Variants in BCR observed in about 807,000 individuals in gnomAD.
BCR encodes the protein BCR activator of RhoGEF and GTPase.
In BCR, 58 loss-of-function variants were observed where a neutral mutation model predicts 138.6. That is an observed-to-expected ratio of 0.42 (90% CI 0.34 to 0.52). The LOEUF (loss-of-function observed/expected upper bound fraction) is 0.52, where lower values mean the gene tolerates loss of function less well. Ranked by LOEUF, BCR falls within the 20% of genes least tolerant of loss-of-function variation. The pLI, the probability that BCR is intolerant of heterozygous loss-of-function variation, is 0.06. For missense variants in BCR, 1,599 were observed against 1,727.2 expected, an observed-to-expected ratio of 0.93 and a Z score of 1.32; for synonymous variants, 786 against 730.1, an observed-to-expected ratio of 1.08 and a Z score of -1.23.
chr22:23,313,721 G>A (rs1236154064), intron 20 of BCR, among the ~76,000 whole-genome samples: 1 of 152,180 alleles, frequency 6.6e-6, no homozygotes, highest in Non-Finnish European at 1.5e-5. Flanking sequence ...CTGCTCTAGC[G>A]GCTCCTCCTG....
chr22:23,199,387 G>A (rs372666758), intron 1 of BCR: 2 of 500,832 alleles, frequency 4.0e-6, no homozygotes, highest in Non-Finnish European at 8.0e-6. Context: ...TCCTGCTAAG[G>A]CCACAGTCTC....
Position 23,219,314 on chromosome 22 carries a change from C to T in BCR, c.1280-34485C>T, listed in dbSNP as rs545873065. On this transcript the variant is annotated intron_variant, in intron 1 of 22. Coordinates refer to ENST00000305877, the MANE Select transcript of BCR (RefSeq NM_004327.4). ...TGAATGGGCGGCTGGCATTTTCAAG[C>T]TCTGTTCCTTATGTTAGACGATGTT... Among the ~76,000 whole-genome samples the T allele has an allele frequency of 5.3e-5, 8 of 152,322 alleles. No homozygotes were observed. The South Asian group carries it at 1.7e-3, about 32-fold the overall frequency.
Position 23,249,245 on chromosome 22 carries a change from T to C in BCR, c.1280-4554T>C, listed in dbSNP as rs570766988. Among the ~76,000 whole-genome samples, 118 of 151,914 alleles carry C rather than the reference T, an allele frequency of 7.8e-4. 1 individual carries two copies. The highest frequency in any genetic ancestry group is 2.8e-3 in the African/African-American group (115 of 41,422). ...GAGATGGAGACCATCCTGGCTAACATGGTGAAACTCCGTCTCTACTAAAAA... is the reference window on the plus strand; with the variant it reads ...GAGATGGAGACCATCCTGGCTAACACGGTGAAACTCCGTCTCTACTAAAAA... On this transcript the variant is annotated intron_variant, in intron 1 of 22. Coordinates refer to ENST00000305877, the MANE Select transcript of BCR (RefSeq NM_004327.4).
rs2074038197 is a variant in BCR at position 23,314,054 on chromosome 22, C to G, written c.3544C>G (p.Leu1182Val). 6.2e-7 allele frequency: 1 copy of G among 1,613,500 alleles called. No homozygotes were observed. Among genetic ancestry groups the G allele is most frequent in the African/African-American group, 1.3e-5 (1 of 74,930 alleles). Residue 1182 changes from leucine (L) to valine (V), a missense_variant, in exon 21 of 23, where the codon CTT becomes GTT. This residue lies in a region of BCR where 177 missense variants were observed against 226.4 expected (regional missense o/e 0.78). Transcript: ENST00000305877. ...GGCCAACCTGCTCACCTTCCTTTTC[C>G]TTCTGGACCACCTGAAAAGGTAGCC... ...PEANLLTFLF[L>V]LDHLKRVAEK... is the part of the protein sequence containing the mutation.
chr22:23,181,756 G>A lies in BCR; in HGVS notation c.796G>A (p.Gly266Ser), dbSNP rs1230242295. ...LKDNLIDANG[G>S]SRPPWPPLEY... ...GGACAACCTGATCGACGCCAATGGC[G>A]GTAGCAGGCCCCCTTGGCCGCCCCT... Residue 266 changes from glycine to serine, a missense_variant, in exon 1 of 23, where the codon GGT becomes AGT. Transcript: ENST00000305877. 2 of 1,605,222 alleles carry A rather than the reference G, an allele frequency of 1.2e-6. No homozygotes were observed. Among genetic ancestry groups the A allele is most frequent in the African/African-American group, 1.3e-5 (1 of 75,042 alleles).
At chr22:23,237,310 G>A (rs964120891) in intron 1 of BCR, among the ~76,000 whole-genome samples, 80 of 152,318 alleles carry the variant, frequency 5.3e-4, no homozygotes, top group African/African-American at 1.6e-3. Context: ...CAGGCTGGGC[G>A]TGTGAATCTC....
intron 1 of BCR, among the ~76,000 whole-genome samples, chr22:23,252,529 C>G (rs1325251707): frequency 6.8e-6 from 1 of 146,744 alleles, no homozygotes; most frequent in Non-Finnish European, 1.5e-5. Context: ...CTCCCAGGTT[C>G]AAGCGATTCT....
In BCR at chr22:23,180,976, G is replaced by C. The variant is rs761634532; in HGVS notation, c.16G>C (p.Gly6Arg). ...CGGCCGCGCCATGGTGGACCCGGTG[G>C]GCTTCGCGGAGGCGTGGAAGGCGCA... MVDPV[G>R]FAEAWKAQFP... The change falls in exon 1 of 23, where the codon GGC becomes CGC. Residue 6 changes from glycine to arginine, a missense_variant. Transcript: ENST00000305877. 22 of 1,406,356 alleles carry C rather than the reference G, an allele frequency of 1.6e-5. No individual in the cohort carries two copies. The highest frequency in any genetic ancestry group is 2.1e-5 in the Non-Finnish European group (22 of 1,063,036). 87.1% of individuals were successfully genotyped at this position (1,406,356 alleles called of 1,614,324 possible). A position where few individuals can be genotyped will look rare whatever the true frequency, so the allele number is the denominator to read the frequency against.
intron 8 of BCR, among the ~76,000 whole-genome samples, chr22:23,281,398 G>A (rs1004571409): frequency 7.9e-5 from 12 of 152,232 alleles, no homozygotes; most frequent in Non-Finnish European, 5.9e-5. Context: ...AGGACGACTC[G>A]GGTGGGCTAT....
At chr22:23,213,381 G>A (rs1167905767) in intron 1 of BCR, among the ~76,000 whole-genome samples, 1 of 152,196 alleles carries the variant, frequency 6.6e-6, no homozygotes, top group Non-Finnish European at 1.5e-5. Flanking sequence ...GTGGAGAGTC[G>A]TTCCCTTAAT....
At chr22:23,267,659 G>A (rs1177852682) in intron 4 of BCR, among the ~76,000 whole-genome samples, 1 of 152,192 alleles carries the variant, frequency 6.6e-6, no homozygotes, top group Non-Finnish European at 1.5e-5. Context: ...TAGGTTTGCT[G>A]ATTTTTCCCT....
chr22:23,195,460 T>C (rs1008492681), intron 1 of BCR, among the ~76,000 whole-genome samples: 4 of 146,896 alleles, frequency 2.7e-5, no homozygotes, highest in Non-Finnish European at 6.0e-5. Context: ...GGCATGTTGG[T>C]GCACGCCTGT....
At position 23,268,497 on chromosome 22, in the gene BCR, G is replaced by A. The variant is rs2073471443; in HGVS notation, c.1842G>A (p.Gln614=). ...MAEKCCQANA[Q]FAEISENLRA... ...AGAAGTGCTGTCAGGCCAATGCTCA[G>A]TTTGCAGAAATCTCCGAGGTAATGC... The change falls in exon 5 of 23, where the codon CAG becomes CAA. Residue 614 remains glutamine, a synonymous_variant. Coordinates refer to ENST00000305877, the MANE Select transcript of BCR (RefSeq NM_004327.4). 6.2e-7 allele frequency: 1 copy of A among 1,613,764 alleles called. No individual in the cohort carries two copies. The highest frequency in any genetic ancestry group is 1.3e-5 in the African/African-American group (1 of 74,940).
At chr22:23,199,406 G>A in intron 1 of BCR, 1 of 461,894 alleles carries the variant, frequency 2.2e-6, no homozygotes, top group South Asian at 1.6e-5. Flanking sequence ...TCAGGTTCCA[G>A]AAACTCTGGC....
chr22:23,253,994 G>T lies in BCR; in HGVS notation c.1461+14G>T. The T allele has an allele frequency of 6.2e-7, 1 of 1,601,198 alleles. No homozygotes were observed. Among genetic ancestry groups the T allele is most frequent in the East Asian group, 2.2e-5 (1 of 44,656 alleles). On this transcript the variant is annotated intron_variant, in intron 2 of 22. Coordinates refer to ENST00000305877, the MANE Select transcript of BCR (RefSeq NM_004327.4). ...TCCACTAAAGCGGTGAGTCCCCATG[G>T]TGTACGTGTGGCAGGAGGGCCAGGT...
At chr22:23,268,134 G>T (rs997008844) in intron 4 of BCR, among the ~76,000 whole-genome samples, 15 of 152,218 alleles carry the variant, frequency 9.9e-5, no homozygotes, top group African/African-American at 3.6e-4. Context: ...CAGCGAATGG[G>T]GTGGGAGGAA....
Position 23,181,712 on chromosome 22 carries a change from T to G in BCR, c.752T>G (p.Leu251Trp), listed in dbSNP as rs1403025518. The change falls in exon 1 of 23, where the codon TTG becomes TGG. Residue 251 changes from leucine (L) to tryptophan (W), a missense_variant. This residue lies in a region of BCR where 806 missense variants were observed against 635.0 expected (regional missense o/e 1.27). Coordinates refer to ENST00000305877, the MANE Select transcript of BCR (RefSeq NM_004327.4). Reference sequence around the variant, plus strand: ...GACGGCGACTACGAGGACGCCGAGTTGAACCCCCGCTTCCTGAAGGACAAC... The same window carrying G: ...GACGGCGACTACGAGGACGCCGAGTGGAACCCCCGCTTCCTGAAGGACAAC... ...GVDGDYEDAELNPRFLKDNLI... is the reference protein window; with the variant it reads ...GVDGDYEDAEWNPRFLKDNLI... The G allele has an allele frequency of 6.2e-7, 1 of 1,603,982 alleles. No individual in the cohort carries two copies. The highest frequency in any genetic ancestry group is 1.7e-5 in the Admixed American group (1 of 60,024).
At chr22:23,221,812 ATGGACTCAG>A (rs1283587109) in intron 1 of BCR, among the ~76,000 whole-genome samples, 2 of 152,118 alleles carry the variant, frequency 1.3e-5, no homozygotes, top group African/African-American at 2.4e-5. Flanking sequence ...TGACAGCCAG[ATGGACTCAG>A]TGGCTCACAC....
intron 1 of BCR, among the ~76,000 whole-genome samples, chr22:23,242,013 T>A (rs1406927163): frequency 6.6e-6 from 1 of 152,148 alleles, no homozygotes; most frequent in African/African-American, 2.4e-5. Context: ...CAGCCCCCCT[T>A]AGCTCTTAGT....
Sources: allele counts gnomAD v4.1 joint callset (sites outside exome capture counted in the v4.1 genomes callset), GRCh38; gene constraint gnomAD v4.1.1; regional missense constraint gnomAD v4.1.1; transcripts MANE v1.5; gene names NCBI Gene and HGNC (gene_info 2026-07-23, HGNC 2026-07-21).